Variants in NKAIN3 observed in about 807,000 individuals in gnomAD.
NKAIN3 encodes sodium/potassium transporting ATPase interacting 3, also known as sodium/potassium-transporting ATPase subunit beta-1-interacting protein 3.
NKAIN3 carries 25 observed loss-of-function variants against 30.2 expected under a neutral mutation model. The ratio of observed to expected loss-of-function variants is 0.83; its 90% CI spans 0.60 to 1.16. NKAIN3 has a LOEUF of 1.16. Among genes scored for constraint, NKAIN3 ranks in the 50% most tolerant of loss-of-function variants. The pLI is 0.00. For synonymous variants in NKAIN3, 91 were observed against 89.6 expected, an observed-to-expected ratio of 1.02 and a Z score of -0.09; for missense variants, 225 against 254.1, an observed-to-expected ratio of 0.89 and a Z score of 0.78.
At chr8:62,461,131 A>T (rs185473114) in intron 1 of NKAIN3, among the ~76,000 whole-genome samples, 1 of 152,208 alleles carries the variant, frequency 6.6e-6, no homozygotes, top group African/African-American at 2.4e-5. Context: ...AGATGCCTTG[A>T]TGATTGTTGA....
At chr8:62,771,851 T>A (rs1817024030) in intron 4 of NKAIN3, among the ~76,000 whole-genome samples, 1 of 152,180 alleles carries the variant, frequency 6.6e-6, no homozygotes, top group African/African-American at 2.4e-5. Context: ...TGCATAATAA[T>A]CACATCAGAA....
At chr8:62,856,032 T>C in intron 4 of NKAIN3, 1 of 685,090 alleles carries the variant, frequency 1.5e-6, no homozygotes, top group Non-Finnish European at 2.7e-6. Flanking sequence ...CCTCAGATGA[T>C]GGTGCTTCTT....
intron 3 of NKAIN3, among the ~76,000 whole-genome samples, chr8:62,640,709 G>A (rs1031732114): frequency 1.3e-5 from 2 of 152,038 alleles, no homozygotes; most frequent in African/African-American, 4.8e-5. Flanking sequence ...AAACACGTCT[G>A]GCTTAGCCCT....
At chr8:62,661,657 C>T (rs1407158533) in intron 3 of NKAIN3, among the ~76,000 whole-genome samples, 4 of 152,146 alleles carry the variant, frequency 2.6e-5, no homozygotes, top group Non-Finnish European at 5.9e-5. Flanking sequence ...AGGAAAGCTT[C>T]TCATTCTCCT....
At chr8:62,319,012 C>T (rs1814770587) in intron 1 of NKAIN3, among the ~76,000 whole-genome samples, 1 of 152,074 alleles carries the variant, frequency 6.6e-6, no homozygotes, top group Non-Finnish European at 1.5e-5. Context: ...AATTTCAGAG[C>T]CTGTTATTGG....
At chr8:62,361,625 G>A (rs538327895) in intron 1 of NKAIN3, among the ~76,000 whole-genome samples, 2 of 152,298 alleles carry the variant, frequency 1.3e-5, no homozygotes, top group African/African-American at 4.8e-5. Context: ...TAAAATCCTT[G>A]CAGGTCTATG....
Position 62,756,128 on chromosome 8 carries a change from G to A in NKAIN3, c.471+8999G>A, listed in dbSNP as rs892578688. Reference sequence around the variant, plus strand: ...ACCATACAATTCATCATTTTAAAGTGTACAATTCAATAGCTTTCAGTCTAC... The same window carrying A: ...ACCATACAATTCATCATTTTAAAGTATACAATTCAATAGCTTTCAGTCTAC... On this transcript the variant is annotated intron_variant, in intron 4 of 6. Transcript: ENST00000623646. Among the ~76,000 whole-genome samples the A allele has an allele frequency of 2.3e-4, 35 of 152,130 alleles. 1 individual carries two copies.
intron 1 of NKAIN3, among the ~76,000 whole-genome samples, chr8:62,556,759 T>C (rs1402354047): frequency 6.6e-6 from 1 of 151,884 alleles, no homozygotes; most frequent in African/African-American, 2.4e-5. Flanking sequence ...CTTATATTAA[T>C]CTAAAAAGTG....
intron 4 of NKAIN3, among the ~76,000 whole-genome samples, chr8:62,801,124 T>A (rs769123916): frequency 2.6e-4 from 39 of 152,348 alleles, no homozygotes; most frequent in Middle Eastern, 3.4e-3. Context: ...AAGCTCCAAC[T>A]GGGTGGAGCC....
chr8:62,782,202 A>G (rs1036468326), intron 4 of NKAIN3, among the ~76,000 whole-genome samples: 2 of 151,970 alleles, frequency 1.3e-5, no homozygotes, highest in African/African-American at 2.4e-5. Context: ...GAGAAATGCA[A>G]AAAAAAACTA....
chr8:62,512,984 C>A (rs1407323021), intron 1 of NKAIN3, among the ~76,000 whole-genome samples: 1 of 151,968 alleles, frequency 6.6e-6, no homozygotes, highest in Non-Finnish European at 1.5e-5. Flanking sequence ...AAGAAGCTCA[C>A]AAAGTAAATG....
intron 1 of NKAIN3, among the ~76,000 whole-genome samples, chr8:62,250,957 T>C (rs1256429640): frequency 6.6e-6 from 1 of 152,168 alleles, no homozygotes; most frequent in East Asian, 1.9e-4. Flanking sequence ...TTACACATAT[T>C]TCTCACCACT....
chr8:62,780,906 T>G (rs1817335515), intron 4 of NKAIN3, among the ~76,000 whole-genome samples: 2 of 152,018 alleles, frequency 1.3e-5, no homozygotes, highest in African/African-American at 4.8e-5. Context: ...TTCACCACTC[T>G]TATTCAACAT....
intron 4 of NKAIN3, among the ~76,000 whole-genome samples, chr8:62,891,573 CCTGA>C (rs1185371183): frequency 6.6e-6 from 1 of 152,100 alleles, no homozygotes; most frequent in Non-Finnish European, 1.5e-5. Flanking sequence ...TCTAGAGAAC[CCTGA>C]CTAATACAGC....
chr8:62,651,801 C>T (rs1307707351), intron 3 of NKAIN3, among the ~76,000 whole-genome samples: 2 of 152,220 alleles, frequency 1.3e-5, no homozygotes, highest in African/African-American at 2.4e-5. Context: ...ACTCAGTTCA[C>T]ATGGGTTCTG....
At chr8:62,846,759 T>C (rs1245811178) in intron 4 of NKAIN3, among the ~76,000 whole-genome samples, 2 of 152,104 alleles carry the variant, frequency 1.3e-5, no homozygotes, top group East Asian at 3.9e-4. Flanking sequence ...TCTGTTCTCA[T>C]GCTGCGAATA....
chr8:62,802,653 C>A (rs1254933205), intron 4 of NKAIN3, among the ~76,000 whole-genome samples: 1 of 152,124 alleles, frequency 6.6e-6, no homozygotes, highest in Non-Finnish European at 1.5e-5. Context: ...CCAGCCACTG[C>A]AAAATCATGC....
At chr8:62,376,103 G>C (rs1817073725) in intron 1 of NKAIN3, among the ~76,000 whole-genome samples, 1 of 152,184 alleles carries the variant, frequency 6.6e-6, no homozygotes, top group Non-Finnish European at 1.5e-5. Context: ...TATTAGGAGT[G>C]AGGAGCACTA....
At chr8:62,946,601 T>C (rs778984713) in intron 5 of NKAIN3, among the ~76,000 whole-genome samples, 16 of 152,242 alleles carry the variant, frequency 1.1e-4, no homozygotes, top group Non-Finnish European at 1.9e-4. Flanking sequence ...ATGTCAAGCC[T>C]CTTCCCCAGC....
Sources: gnomAD v4.1 joint callset for allele counts (sites outside exome capture counted in the v4.1 genomes callset) on GRCh38, gnomAD v4.1.1 for gene constraint, MANE v1.5 for transcripts, NCBI Gene and HGNC (gene_info 2026-07-23, HGNC 2026-07-21) for gene names.